DOCK2: variants seen among roughly 807,000 people sequenced by gnomAD.
The protein encoded by DOCK2 is dedicator of cytokinesis protein 2.
In DOCK2, 87 loss-of-function variants were observed where a neutral mutation model predicts 248.9. The ratio of observed to expected loss-of-function variants is 0.35; its 90% confidence interval spans 0.29 to 0.42. DOCK2 has a LOEUF of 0.42. Among genes scored for constraint, DOCK2 ranks in the 10% least tolerant of loss-of-function variants. The pLI, the probability that DOCK2 is intolerant of heterozygous loss-of-function variation, is 1.00. For synonymous variants in DOCK2, 805 were observed against 821.6 expected (o/e 0.98, Z 0.35); for missense variants, 1,747 against 2,300.2 (o/e 0.76, Z 4.92).
intron 27 of DOCK2, chr5:169,864,528 G>A (rs114343160): frequency 1.2e-5 from 14 of 1,199,864 alleles, no homozygotes; most frequent in Non-Finnish European, 1.6e-5. Flanking sequence ...GCATCTCTCA[G>A]CCCCAACTAA....
chr5:169,647,197 C>CA (rs1404640780), intron 1 of DOCK2, among the ~76,000 whole-genome samples: 9 of 152,182 alleles, frequency 5.9e-5, no homozygotes, highest in African/African-American at 1.9e-4. Flanking sequence ...GATGGCAGGG[C>CA]CATGTCTGTT....
rs1345953028 is a variant in DOCK2, at chr5:170,056,738, G to T, written c.4350G>T (p.Arg1450Ser). The change falls in exon 43 of 52, where the codon AGG (arginine) becomes AGT (serine). Residue 1450 changes from arginine (R) to serine (S), a missense_variant. Transcript: ENST00000520908. ...QRFHYSRPVRRGTVDPENEFA... is the reference protein window; with the variant it reads ...QRFHYSRPVRSGTVDPENEFA... Reference sequence around the variant, plus strand: ...TCCACTACTCCCGGCCCGTGCGCAGGGGGACCGTAGACCCAGAGAATGAGT... The same window carrying T: ...TCCACTACTCCCGGCCCGTGCGCAGTGGGACCGTAGACCCAGAGAATGAGT... The T allele has an allele frequency of 6.2e-7, 1 of 1,613,992 alleles. No homozygotes were observed. Among genetic ancestry groups the T allele is most frequent in the South Asian group, 1.1e-5 (1 of 91,066 alleles).
chr5:170,025,639 G>T (rs1045115858), intron 33 of DOCK2, among the ~76,000 whole-genome samples: 4 of 152,120 alleles, frequency 2.6e-5, no homozygotes, highest in African/African-American at 9.7e-5. Flanking sequence ...CCCAACCCTT[G>T]ACATTGGATA....
At chr5:169,789,722 C>T (rs1766209172) in intron 25 of DOCK2, among the ~76,000 whole-genome samples, 1 of 152,264 alleles carries the variant, frequency 6.6e-6, no homozygotes, top group South Asian at 2.1e-4. Flanking sequence ...GGAAGGGCTC[C>T]CCTTGGCTCT....
At chr5:169,729,174 A>G (rs576698540) in intron 22 of DOCK2, among the ~76,000 whole-genome samples, 46 of 152,268 alleles carry the variant, frequency 3.0e-4, no homozygotes, top group African/African-American at 1.0e-3. Flanking sequence ...CGAAATATGA[A>G]CATACCGGAT....
At chr5:169,667,316 A>G (rs1392636833) in intron 2 of DOCK2, among the ~76,000 whole-genome samples, 1 of 152,216 alleles carries the variant, frequency 6.6e-6, no homozygotes, top group African/African-American at 2.4e-5. Flanking sequence ...TTGAAGTCAC[A>G]TAAGCTTGAG....
intron 27 of DOCK2, among the ~76,000 whole-genome samples, chr5:169,940,861 C>G (rs1393246361): frequency 6.6e-6 from 1 of 152,214 alleles, no homozygotes; most frequent in Non-Finnish European, 1.5e-5. Context: ...GTTCATGGTC[C>G]AGGTGTTGGG....
At chr5:169,816,150 C>T (rs1345187264) in intron 26 of DOCK2, among the ~76,000 whole-genome samples, 2 of 152,168 alleles carry the variant, frequency 1.3e-5, no homozygotes, top group Non-Finnish European at 2.9e-5. Context: ...TTGATTTGCT[C>T]TCCTGGTATA....
At chr5:170,058,929 T>C (rs1757229979) in intron 44 of DOCK2, among the ~76,000 whole-genome samples, 2 of 152,178 alleles carry the variant, frequency 1.3e-5, no homozygotes, top group African/African-American at 4.8e-5. Context: ...ATGATGGTGA[T>C]AGCAAAAAAC....
chr5:169,925,081 C>CT (rs1323871721), intron 27 of DOCK2, among the ~76,000 whole-genome samples: 1 of 152,030 alleles, frequency 6.6e-6, no homozygotes, highest in Non-Finnish European at 1.5e-5. Context: ...CTCTATTATT[C>CT]TTTTTCTTCA....
intron 27 of DOCK2, chr5:169,934,976 T>G: frequency 4.0e-6 from 1 of 249,252 alleles, no homozygotes; most frequent in Non-Finnish European, 8.0e-6. Flanking sequence ...TCAGCTAGAA[T>G]GCAAACGTTA....
chr5:169,987,466 A>G (rs1029050327), intron 29 of DOCK2, among the ~76,000 whole-genome samples: 8 of 152,240 alleles, frequency 5.3e-5, no homozygotes, highest in Non-Finnish European at 4.4e-5. Flanking sequence ...TTGTTACCAG[A>G]AAGAGGACTA....
At position 169,882,480 on chromosome 5, in the gene DOCK2, A is replaced by G. The variant is rs549690824; in HGVS notation, c.2799+41628A>G. 5 of 1,306,400 alleles carry G rather than the reference A, an allele frequency of 3.8e-6. No homozygotes were observed. In the South Asian group the frequency reaches 6.2e-5, roughly 16 times the overall value. The allele number at this position is 1,306,400 out of a possible 1,614,324, so 80.9% of individuals were successfully genotyped here. Reference sequence around the variant, plus strand: ...GAGACATTTTTACTAAAAGAAACCAAAGCTGTCTCTGCCCCTGTGTTGGCA... The same window carrying G: ...GAGACATTTTTACTAAAAGAAACCAGAGCTGTCTCTGCCCCTGTGTTGGCA... On this transcript the variant is annotated intron_variant, in intron 27 of 51. Coordinates refer to ENST00000520908, the MANE Select transcript of DOCK2 (RefSeq NM_004946.3).
intron 1 of DOCK2, among the ~76,000 whole-genome samples, chr5:169,640,429 G>C (rs1051099110): frequency 6.6e-6 from 1 of 152,132 alleles, no homozygotes; most frequent in African/African-American, 2.4e-5. Flanking sequence ...CTGCATCTTG[G>C]GTTTTCTGTA....
At chr5:169,693,719 C>T (rs1333400967) in intron 9 of DOCK2, among the ~76,000 whole-genome samples, 1 of 152,138 alleles carries the variant, frequency 6.6e-6, no homozygotes, top group African/African-American at 2.4e-5. Flanking sequence ...GTGGGATGAA[C>T]AGCCCTTGTA....
chr5:169,736,103 C>T (rs183049785), intron 22 of DOCK2, among the ~76,000 whole-genome samples: 4 of 152,340 alleles, frequency 2.6e-5, no homozygotes, highest in South Asian at 2.1e-4. Context: ...AATCATCTCT[C>T]GCCAGGTCCC....
At chr5:169,978,139 G>T (rs1030445159) in intron 27 of DOCK2, among the ~76,000 whole-genome samples, 1 of 151,994 alleles carries the variant, frequency 6.6e-6, no homozygotes, top group Non-Finnish European at 1.5e-5. Flanking sequence ...ATAGCAACGT[G>T]TCACCAGCTG....
intron 22 of DOCK2, among the ~76,000 whole-genome samples, chr5:169,738,981 T>TC (rs920995533): frequency 1.4e-4 from 21 of 152,372 alleles, no homozygotes; most frequent in African/African-American, 5.1e-4. Context: ...GTGTTTGATC[T>TC]CCACATTCCT....
At chr5:169,881,256 A>G (rs1772629632) in intron 27 of DOCK2, 8 of 839,968 alleles carry the variant, frequency 9.5e-6, no homozygotes, top group Non-Finnish European at 1.6e-5. Context: ...TTCATAGTTA[A>G]ATACCTTGTT....
Sources: allele counts gnomAD v4.1 joint callset (sites outside exome capture counted in the v4.1 genomes callset), GRCh38; gene constraint gnomAD v4.1.1; transcripts MANE v1.5; gene names NCBI Gene and HGNC (gene_info 2026-07-23, HGNC 2026-07-21).